The following SPON1 variants were observed in gnomAD, a reference collection of about 807,000 sequenced individuals.
SPON1 encodes the protein spondin-1.
In SPON1, 52 loss-of-function variants were observed where a neutral mutation model predicts 111.7. That is an observed-to-expected ratio of 0.47 (90% CI 0.37 to 0.59). SPON1 has a LOEUF of 0.59. Ranked by LOEUF, SPON1 falls within the 20% of genes least tolerant of loss-of-function variation. SPON1 has a pLI of 0.00. For synonymous variants in SPON1, 410 were observed against 395.8 expected, an observed-to-expected ratio of 1.04 and a Z score of -0.43; for missense variants, 957 against 1,068.5, an observed-to-expected ratio of 0.90 and a Z score of 1.46.
intron 5 of SPON1, among the ~76,000 whole-genome samples, chr11:14,094,091 A>G (rs572845013): frequency 3.3e-5 from 5 of 152,150 alleles, no homozygotes; most frequent in African/African-American, 1.2e-4. Context: ...GTGTGCCTGT[A>G]ATTCCAACTA....
chr11:14,077,171 T>A (rs2697830), intron 4 of SPON1, among the ~76,000 whole-genome samples: 75,660 of 152,036 alleles, frequency 0.5, 19,282 homozygotes, highest in East Asian at 0.7. Flanking sequence ...TAATGATTGA[T>A]GGCAGTACAT....
intron 5 of SPON1, among the ~76,000 whole-genome samples, chr11:14,108,270 C>T (rs546682340): frequency 1.3e-5 from 2 of 152,284 alleles, no homozygotes; most frequent in East Asian, 3.9e-4. Flanking sequence ...CAGAACAAGA[C>T]CAACAGCAAG....
rs1847915694 is a variant in SPON1 at position 14,160,626 on chromosome 11, TA to T, written c.825+25059del. ...ATATATTTATATATATTTATATATA[TA>T]TTTATATATATTTACATATATTTAT... On this transcript the variant is annotated intron_variant, in intron 6 of 15. Coordinates refer to ENST00000576479, the MANE Select transcript of SPON1 (RefSeq NM_006108.4). 1.8e-4 allele frequency among the ~76,000 whole-genome samples: 6 copies of T among 33,594 alleles called. 2 individuals are homozygous for T. The highest frequency in any genetic ancestry group is 3.0e-4 in the Non-Finnish European group (6 of 19,698). 22.0% of individuals were successfully genotyped at this position (33,594 alleles called of 152,430 possible). A position where few individuals can be genotyped will look rare whatever the true frequency, so the allele number is the denominator to read the frequency against.
intron 1 of SPON1, among the ~76,000 whole-genome samples, chr11:13,968,331 C>T (rs1266761849): frequency 6.6e-6 from 1 of 152,198 alleles, no homozygotes; most frequent in Admixed American, 6.5e-5. Flanking sequence ...CAGGCTCCTT[C>T]TACCTTGTTC....
rs544877247 is a variant in SPON1 at position 14,259,453 on chromosome 11, G to A, written c.1663+3G>A. On this transcript the variant is annotated splice_donor_region_variant and intron_variant, in intron 12 of 15. Transcript: ENST00000576479. The surrounding 1 kb of genome is among the most constrained non-coding windows in gnomAD (Gnocchi z 5.0). ...GTGCACGGTCAACGAGGAGTGCTGT[G>A]AGTGGGGGCCCCGGGCGGGCAGGCG... 92 of 1,606,068 alleles carry A rather than the reference G, an allele frequency of 5.7e-5. 2 individuals carry two copies. In the South Asian group the frequency reaches 8.8e-4, roughly 15 times the overall value.
intron 6 of SPON1, among the ~76,000 whole-genome samples, chr11:14,217,884 A>G (rs968883043): frequency 6.6e-6 from 1 of 152,362 alleles, no homozygotes; most frequent in East Asian, 1.9e-4. Flanking sequence ...ACTATGTGGC[A>G]GACACTGTCT....
intron 2 of SPON1, among the ~76,000 whole-genome samples, chr11:14,034,487 A>G (rs982868202): frequency 5.3e-5 from 8 of 152,224 alleles, no homozygotes; most frequent in South Asian, 2.1e-4. Context: ...AGAAGCAAAC[A>G]ATGTTTGGAG....
intron 6 of SPON1, among the ~76,000 whole-genome samples, chr11:14,226,027 G>A (rs1301623918): frequency 2.0e-5 from 3 of 152,188 alleles, no homozygotes; most frequent in African/African-American, 7.2e-5. Context: ...TGTAATACCA[G>A]TAATGATAAA....
intron 6 of SPON1, among the ~76,000 whole-genome samples, chr11:14,158,472 T>A (rs1436225725): frequency 2.6e-5 from 4 of 152,168 alleles, no homozygotes; most frequent in African/African-American, 7.2e-5. Flanking sequence ...CACTTCTCTG[T>A]CCCTTTCTCT....
At position 14,067,455 on chromosome 11, in the gene SPON1, G is replaced by A. The variant is rs114469085; in HGVS notation, c.480-7890G>A. Among the ~76,000 whole-genome samples the A allele has an allele frequency of 7.6e-3, 1,155 of 152,322 alleles. 17 individuals carry two copies. The highest frequency in any genetic ancestry group is 0.027 in the African/African-American group (1,110 of 41,568). On this transcript the variant is annotated intron_variant, in intron 3 of 15. Transcript: ENST00000576479. ...GCTGGTATTCTTTCAGCAGCTAAAT[G>A]ATGTCAAGGCCAGTGTCTTTGTGAT...
chr11:14,196,754 A>T (rs1848407176), intron 6 of SPON1, among the ~76,000 whole-genome samples: 1 of 152,240 alleles, frequency 6.6e-6, no homozygotes, highest in South Asian at 2.1e-4. Context: ...AGAATTTTTT[A>T]AATCTGAGCT....
At chr11:14,081,569 T>A (rs937744620) in intron 5 of SPON1, among the ~76,000 whole-genome samples, 5 of 152,106 alleles carry the variant, frequency 3.3e-5, no homozygotes, top group African/African-American at 4.8e-5. Context: ...TTGGGTTGCG[T>A]GTTGCCCATT....
intron 6 of SPON1, among the ~76,000 whole-genome samples, chr11:14,163,045 A>G (rs1554931543): frequency 1.3e-5 from 2 of 152,204 alleles, no homozygotes; most frequent in African/African-American, 2.4e-5. Context: ...GTCACCACTC[A>G]TCTTATCCTC....
At chr11:14,173,681 TC>T (rs1848137106) in intron 6 of SPON1, among the ~76,000 whole-genome samples, 1 of 152,316 alleles carries the variant, frequency 6.6e-6, no homozygotes, top group African/African-American at 2.4e-5. Flanking sequence ...GGTGCAGATG[TC>T]CTTTCTGTTT....
chr11:14,168,522 CTTTAAG>C (rs1564921849), intron 6 of SPON1, among the ~76,000 whole-genome samples: 1 of 151,514 alleles, frequency 6.6e-6, no homozygotes, highest in Non-Finnish European at 1.5e-5. Context: ...TTTTATTATA[CTTTAAG>C]TTTTAGGGTA....
chr11:14,240,761 G>A (rs1554939589), intron 6 of SPON1, among the ~76,000 whole-genome samples: 1 of 152,098 alleles, frequency 6.6e-6, no homozygotes, highest in East Asian at 1.9e-4. Flanking sequence ...CACCCACATT[G>A]ATTTTATTTT....
chr11:14,046,590 G>A (rs112325112), intron 3 of SPON1, among the ~76,000 whole-genome samples: 60 of 152,124 alleles, frequency 3.9e-4, no homozygotes, highest in African/African-American at 1.4e-3. Context: ...ATGTATTCTT[G>A]CATGAAACCC....
chr11:14,083,887 T>A (rs1554922300), intron 5 of SPON1, among the ~76,000 whole-genome samples: 1 of 152,184 alleles, frequency 6.6e-6, no homozygotes, highest in African/African-American at 2.4e-5. Context: ...TGAATAACCA[T>A]AATTTGTCTG....
At chr11:14,151,482 T>C (rs1554929919) in intron 6 of SPON1, among the ~76,000 whole-genome samples, 1 of 152,148 alleles carries the variant, frequency 6.6e-6, no homozygotes, top group African/African-American at 2.4e-5. Flanking sequence ...ACCAACGTAT[T>C]TGTTCATTCA....
Sources: gnomAD v4.1 joint callset for allele counts (sites outside exome capture counted in the v4.1 genomes callset) on GRCh38, gnomAD v4.1.1 for gene constraint, Gnocchi (gnomAD v3.1) non-coding constraint, MANE v1.5 for transcripts, NCBI Gene and HGNC (gene_info 2026-07-23, HGNC 2026-07-21) for gene names.